Variants in TACC1 observed in about 807,000 individuals in gnomAD.
TACC1 encodes transforming acidic coiled-coil containing protein 1, also known as transforming acidic coiled-coil-containing protein 1.
A neutral mutation model predicts 84.4 loss-of-function variants in TACC1; 48 were observed. The observed-to-expected ratio is 0.57, with a 90% CI of 0.45 to 0.72. The LOEUF is 0.72. TACC1 is among the 30% of genes least tolerant of loss of function. TACC1 has a pLI of 0.00. For synonymous variants in TACC1, 372 were observed against 376.3 expected, an observed-to-expected ratio of 0.99 and a Z score of 0.13; for missense variants, 920 against 973.0, an observed-to-expected ratio of 0.95 and a Z score of 0.72.
At chr8:38,827,004 C>A (rs1181666068) in intron 4 of TACC1, among the ~76,000 whole-genome samples, 164 bp from the exon 5 acceptor site, 4 of 152,204 alleles carry the variant, frequency 2.6e-5, no homozygotes, top group Admixed American at 2.6e-4. Context: ...CAGCATCTCA[C>A]AATTGAAAGA....
intron 3 of TACC1, chr8:38,824,904 C>A: frequency 5.9e-6 from 1 of 169,218 alleles, no homozygotes; most frequent in Non-Finnish European, 1.3e-5. Context: ...AGAATTTGGT[C>A]CAGCGTGATG....
chr8:38,781,929 T>A (rs1280242419), intron 3 of TACC1, among the ~76,000 whole-genome samples: 3 of 151,380 alleles, frequency 2.0e-5, no homozygotes, highest in Non-Finnish European at 4.4e-5. Flanking sequence ...TTTTATTTTT[T>A]ATTTTAATTT....
At position 38,825,219 on chromosome 8, in the gene TACC1, C is replaced by T. The variant is rs1053213173; in HGVS notation, c.1392-89C>T. 6 of 1,386,800 alleles carry T rather than the reference C, an allele frequency of 4.3e-6. No individual in the cohort carries two copies. The African/African-American group carries it at 8.5e-5, about 20-fold the overall frequency. The allele number at this position is 1,386,800 out of a possible 1,614,324, so 85.9% of individuals were successfully genotyped here. A position where few individuals can be genotyped will look rare whatever the true frequency, so the allele number is the denominator to read the frequency against. On this transcript the variant is annotated intron_variant, in intron 3 of 12. Coordinates refer to ENST00000317827, the MANE Select transcript of TACC1 (RefSeq NM_006283.3). ...TGGTGCTGTATGCTTTGGCTTCTAT[C>T]CGCACACACTGCTGTCTGCTCCATT...
At chr8:38,823,897 C>A in intron 3 of TACC1, 1 of 905,826 alleles carries the variant, frequency 1.1e-6, no homozygotes, top group Non-Finnish European at 1.6e-6. Context: ...GCTTTTACAT[C>A]TGCCAGACTA....
At chr8:38,794,562 TTGTGTG>T (rs35760071) in intron 2 of TACC1, among the ~76,000 whole-genome samples, 4 of 150,388 alleles carry the variant, frequency 2.7e-5, no homozygotes, top group Admixed American at 6.6e-5. Context: ...GTGTGTTTGT[TTGTGTG>T]TGTGTGTGTG....
intron 3 of TACC1, among the ~76,000 whole-genome samples, chr8:38,765,025 G>A (rs1811961824): frequency 6.7e-6 from 1 of 148,406 alleles, no homozygotes; most frequent in South Asian, 2.1e-4. Flanking sequence ...CTTGAACCGG[G>A]GGGATGGAGG....
intron 3 of TACC1, among the ~76,000 whole-genome samples, chr8:38,764,571 G>C (rs975136482): frequency 1.3e-5 from 2 of 151,968 alleles, no homozygotes; most frequent in Non-Finnish European, 2.9e-5. Flanking sequence ...GCCTGTTATG[G>C]ACTGGTATAT....
At chr8:38,819,428 G>A in intron 2 of TACC1, 94 bp from the exon 3 acceptor site, 3 of 1,366,018 alleles carry the variant, frequency 2.2e-6, no homozygotes, top group South Asian at 1.5e-5. Context: ...AAAGAGGGAA[G>A]AACTTGCTAT....
chr8:38,765,855 A>G (rs757705693), intron 3 of TACC1, among the ~76,000 whole-genome samples: 1 of 151,846 alleles, frequency 6.6e-6, no homozygotes, highest in Non-Finnish European at 1.5e-5. Context: ...TAGGACATCT[A>G]TAACTGAGCT....
chr8:38,821,075 C>G (rs998039062), intron 3 of TACC1, among the ~76,000 whole-genome samples: 3 of 151,978 alleles, frequency 2.0e-5, no homozygotes, highest in Admixed American at 2.0e-4. Context: ...CGTGGTGGTG[C>G]ACACCTGTAG....
At chr8:38,827,493 T>C (rs1828362879) in intron 5 of TACC1, 118 bp downstream of exon 5, 1 of 1,049,310 alleles carries the variant, frequency 9.5e-7, no homozygotes, top group Non-Finnish European at 1.4e-6. Flanking sequence ...AGGATAGATT[T>C]AGGATGCTGA....
rs570371055 is a variant in TACC1, at chr8:38,745,792, C to G, written c.26+299C>G. 3.3e-5 allele frequency among the ~76,000 whole-genome samples: 5 copies of G among 152,204 alleles called. No homozygotes were observed. In the South Asian group the frequency reaches 1.0e-3, roughly 32 times the overall value. On this transcript the variant is annotated intron_variant, in intron 3 of 14. Transcript: ENST00000518415. ...CTCCTGACCTCAGGTGATCCACCTGCCTCGGCCTCCCAAAGTGCTGGCATT... is the reference window on the plus strand; with the variant it reads ...CTCCTGACCTCAGGTGATCCACCTGGCTCGGCCTCCCAAAGTGCTGGCATT...
At chr8:38,799,395 C>T (rs187242710) in intron 2 of TACC1, among the ~76,000 whole-genome samples, 2 of 152,276 alleles carry the variant, frequency 1.3e-5, no homozygotes, top group East Asian at 3.9e-4. Context: ...CGCTCAGTTT[C>T]TGCTCCCAGG....
intron 7 of TACC1, 81 bp from the exon 8 acceptor site, chr8:38,838,389 C>T (rs1366631256): frequency 3.2e-6 from 3 of 932,360 alleles, no homozygotes; most frequent in African/African-American, 3.3e-5. Flanking sequence ...TGGGTTAGAC[C>T]TGGTTGTGTG....
Position 38,787,492 on chromosome 8 carries a change from C to G in TACC1, c.-91C>G, listed in dbSNP as rs1029377403. On this transcript the variant is annotated 5_prime_UTR_variant, in exon 1 of 13. Coordinates refer to ENST00000317827, the MANE Select transcript of TACC1 (RefSeq NM_006283.3). ...CTCTGCTGGAAACGCTTGCTGGCGC[C>G]TGTCACCGGTTCCCTCCATTTTGAA... is the stretch of plus-strand genomic sequence containing the variant. 9.2e-6 allele frequency: 13 copies of G among 1,405,794 alleles called. No homozygotes were observed. The Admixed American group carries it at 1.0e-4, about 11-fold the overall frequency. The allele number at this position is 1,405,794 out of a possible 1,614,324, so 87.1% of individuals were successfully genotyped here.
At chr8:38,813,590 T>G (rs1424739413) in intron 2 of TACC1, among the ~76,000 whole-genome samples, 2 of 152,178 alleles carry the variant, frequency 1.3e-5, no homozygotes, top group African/African-American at 4.8e-5. Context: ...TTGTATTGAG[T>G]TGCAATCACA....
At chr8:38,775,038 A>G (rs559069996) in intron 3 of TACC1, among the ~76,000 whole-genome samples, 3 of 152,126 alleles carry the variant, frequency 2.0e-5, no homozygotes, top group South Asian at 4.1e-4. Context: ...AATGAAAACC[A>G]AAAACTTTTA....
At chr8:38,752,942 G>A (rs1276077351) in intron 3 of TACC1, among the ~76,000 whole-genome samples, 1 of 152,066 alleles carries the variant, frequency 6.6e-6, no homozygotes, top group African/African-American at 2.4e-5. Flanking sequence ...CAGCAGGGTT[G>A]CCCATAACTT....
intron 2 of TACC1, among the ~76,000 whole-genome samples, chr8:38,743,825 T>C (rs1206058447): frequency 1.3e-5 from 2 of 152,292 alleles, no homozygotes; most frequent in East Asian, 3.9e-4. Flanking sequence ...AGTTGGAGGT[T>C]GCAGTGAGCT....
Sources: allele counts gnomAD v4.1 joint callset (sites outside exome capture counted in the v4.1 genomes callset), GRCh38; gene constraint gnomAD v4.1.1; transcripts MANE v1.5; gene names NCBI Gene and HGNC (gene_info 2026-07-23, HGNC 2026-07-21).